ARHGEF37: variants seen among roughly 807,000 people sequenced by gnomAD.
ARHGEF37 encodes Rho guanine nucleotide exchange factor 37.
In ARHGEF37, 55 loss-of-function variants were observed where a neutral mutation model predicts 71.1. That is an observed-to-expected ratio of 0.77 (90% CI 0.62 to 0.97). ARHGEF37 has a LOEUF of 0.97. ARHGEF37 is among the 50% of genes least tolerant of loss of function. The pLI is 0.00. For missense variants in ARHGEF37, 765 were observed against 836.8 expected, an observed-to-expected ratio of 0.91 and a Z score of 1.06; for synonymous variants, 327 against 350.6, an observed-to-expected ratio of 0.93 and a Z score of 0.75.
intron 4 of ARHGEF37, among the ~76,000 whole-genome samples, chr5:149,615,320 T>C (rs1399185435): frequency 6.6e-6 from 1 of 151,294 alleles, no homozygotes; most frequent in Non-Finnish European, 1.5e-5. Flanking sequence ...TTTTTTTTTT[T>C]GAAGCAGAGG....
At chr5:149,598,841 T>C (rs1763670421) in intron 2 of ARHGEF37, among the ~76,000 whole-genome samples, 1 of 150,508 alleles carries the variant, frequency 6.6e-6, no homozygotes, top group Non-Finnish European at 1.5e-5. Context: ...TATGTATATT[T>C]ATATTTATAT....
intron 1 of ARHGEF37, among the ~76,000 whole-genome samples, chr5:149,558,225 G>A (rs1443031929): frequency 6.6e-6 from 1 of 152,094 alleles, no homozygotes; most frequent in East Asian, 1.9e-4. Context: ...GACAGGGACT[G>A]ACCGGGCACC....
chr5:149,620,345 T>C lies in ARHGEF37; in HGVS notation c.895-9T>C, dbSNP rs758465510. 4 of 1,596,898 alleles carry C rather than the reference T, an allele frequency of 2.5e-6. No homozygotes were observed. The East Asian group carries it at 9.1e-5, about 36-fold the overall frequency. ...ATGATTGGATGTTTCTCCTTGGTAC[T>C]GGGTCCAGGCTTTCCTCTACTTCAG... On this transcript the variant is annotated splice_polypyrimidine_tract_variant and intron_variant, in intron 7 of 12. Transcript: ENST00000333677.
chr5:149,558,717 G>A (rs1762787627), intron 1 of ARHGEF37, among the ~76,000 whole-genome samples: 1 of 135,206 alleles, frequency 7.4e-6, no homozygotes, highest in Non-Finnish European at 1.5e-5. Flanking sequence ...GTGTGTGTGT[G>A]TGTGTGTGTG....
intron 3 of ARHGEF37, chr5:149,606,863 C>G (rs1054691601): frequency 6.6e-6 from 1 of 152,122 alleles, no homozygotes; most frequent in Non-Finnish European, 1.5e-5. Flanking sequence ...ACTTTAAGAC[C>G]CTACATGATC....
intron 10 of ARHGEF37, among the ~76,000 whole-genome samples, chr5:149,626,210 C>T (rs1489035720): frequency 1.3e-5 from 2 of 151,056 alleles, no homozygotes; most frequent in South Asian, 2.1e-4. Context: ...CCAGCACCTC[C>T]CCACAAGGAG....
At chr5:149,612,785 A>G (rs1238610129) in intron 4 of ARHGEF37, among the ~76,000 whole-genome samples, 4 of 152,248 alleles carry the variant, frequency 2.6e-5, no homozygotes, top group Non-Finnish European at 5.9e-5. Context: ...GAGCCTGGCC[A>G]ATAATAATCA....
Position 149,634,270 on chromosome 5 carries a change from A to C in ARHGEF37, c.*2079A>C, listed in dbSNP as rs1334592381. On this transcript the variant is annotated 3_prime_UTR_variant, in exon 13 of 13. Transcript: ENST00000333677. ...GTATTGGACAGATAGACCTGGTGCC[A>C]GAGATGGCCATGAGCTGTAAGCTAG... The C allele has an allele frequency of 2.6e-5, 4 of 152,362 alleles. No individual in the cohort carries two copies. The highest frequency in any genetic ancestry group is 2.1e-4 in the South Asian group (1 of 4,830). The allele number at this position is 152,362 out of a possible 1,614,324, so 9.4% of individuals were successfully genotyped here. A position where few individuals can be genotyped will look rare whatever the true frequency, so the allele number is the denominator to read the frequency against.
At chr5:149,577,250 T>C (rs1763037804), upstream of ARHGEF37, among the ~76,000 whole-genome samples, 1 of 152,208 alleles carries the variant, frequency 6.6e-6, no homozygotes, top group Non-Finnish European at 1.5e-5. Context: ...GAAACATTAC[T>C]GACATGTATT....
chr5:149,609,473 T>A, intron 3 of ARHGEF37, 75 bp from the exon 4 acceptor site: 1 of 1,544,796 alleles, frequency 6.5e-7, no homozygotes. Context: ...GGGGTTTACT[T>A]ACTGCCTCCC....
chr5:149,617,263 G>A (rs1416836495), intron 5 of ARHGEF37, among the ~76,000 whole-genome samples: 1 of 152,148 alleles, frequency 6.6e-6, no homozygotes, highest in African/African-American at 2.4e-5. Flanking sequence ...GCTTGTATCA[G>A]TCAGCAATCC....
intron 1 of ARHGEF37, among the ~76,000 whole-genome samples, chr5:149,591,385 C>A (rs1763401115): frequency 6.6e-6 from 1 of 151,406 alleles, no homozygotes; most frequent in Admixed American, 6.6e-5. Context: ...GCTCGGCCAG[C>A]CTTTGTCTTT....
intron 3 of ARHGEF37, among the ~76,000 whole-genome samples, chr5:149,607,730 G>A (rs1290873598): frequency 6.0e-5 from 9 of 151,136 alleles, no homozygotes; most frequent in African/African-American, 1.2e-4. Context: ...CATTCTCAAC[G>A]GTGGGGAGAA....
Position 149,598,342 on chromosome 5 carries a change from TTCCTCTTCTTCTTCCTCTTCC to T in ARHGEF37, c.186+390_186+410del, listed in dbSNP as rs1181372134. On this transcript the variant is annotated intron_variant, in intron 2 of 12. Coordinates refer to ENST00000333677, the MANE Select transcript of ARHGEF37 (RefSeq NM_001001669.3). ...TTCTTCTTCTTTCTTCCTCTTCCTC[TTCCTCTTCTTCTTCCTCTTCC>T]TCTTCTTCCTCTTCCTCTTCTTCCT... Among the ~76,000 whole-genome samples, 274 of 136,414 alleles carry T rather than the reference TTCCTCTTCTTCTTCCTCTTCC, an allele frequency of 2.0e-3. 2 individuals carry two copies. The highest frequency in any genetic ancestry group is 3.7e-3 in the Middle Eastern group (1 of 270). The allele number at this position is 136,414 out of a possible 152,430, so 89.5% of individuals were successfully genotyped here.
At chr5:149,607,028 G>A (rs1322470924) in intron 3 of ARHGEF37, among the ~76,000 whole-genome samples, 1 of 152,132 alleles carries the variant, frequency 6.6e-6, no homozygotes, top group Non-Finnish European at 1.5e-5. Context: ...CAGTTCTCCT[G>A]CCTCAGCCTC....
chr5:149,580,304 C>G (rs955870329), upstream of ARHGEF37, among the ~76,000 whole-genome samples: 1 of 147,670 alleles, frequency 6.8e-6, no homozygotes, highest in Non-Finnish European at 1.5e-5. Flanking sequence ...CGTGATCTGC[C>G]CCCCCCTCAG....
At chr5:149,591,658 G>T (rs1763411113) in intron 1 of ARHGEF37, among the ~76,000 whole-genome samples, 2 of 152,168 alleles carry the variant, frequency 1.3e-5, no homozygotes, top group African/African-American at 2.4e-5. Flanking sequence ...ATGAATTTTT[G>T]ACTGTAAGAT....
intron 1 of ARHGEF37, among the ~76,000 whole-genome samples, chr5:149,573,198 G>A (rs1196017483): frequency 3.3e-5 from 5 of 152,092 alleles, no homozygotes; most frequent in Non-Finnish European, 7.4e-5. Flanking sequence ...AGACACCCAC[G>A]AGGGTAAAGC....
At chr5:149,612,571 A>G (rs910254411) in intron 4 of ARHGEF37, among the ~76,000 whole-genome samples, 3 of 152,246 alleles carry the variant, frequency 2.0e-5, no homozygotes, top group Non-Finnish European at 2.9e-5. Context: ...ATTATGATAT[A>G]TGACTGGATA....
Sources: allele counts gnomAD v4.1 joint callset (sites outside exome capture counted in the v4.1 genomes callset), GRCh38; gene constraint gnomAD v4.1.1; transcripts MANE v1.5; gene names NCBI Gene and HGNC (gene_info 2026-07-23, HGNC 2026-07-21).